Variants in CNTNAP3B observed in about 807,000 individuals in gnomAD.
The protein encoded by CNTNAP3B is contactin associated protein family member 3B.
In CNTNAP3B, 25 loss-of-function variants were observed where a neutral mutation model predicts 108.9. That is an observed-to-expected ratio of 0.23 (90% CI 0.17 to 0.32). CNTNAP3B has a LOEUF of 0.32. Among genes scored for constraint, CNTNAP3B ranks in the 10% least tolerant of loss-of-function variants. CNTNAP3B has a pLI of 1.00. For synonymous variants in CNTNAP3B, 103 were observed against 473.4 expected, an observed-to-expected ratio of 0.22 and a Z score of 10.16; for missense variants, 252 against 1,210.4, an observed-to-expected ratio of 0.21 and a Z score of 11.75.
At chr9:41,933,561 A>T (rs1199908449) in intron 14 of CNTNAP3B, among the ~76,000 whole-genome samples, 8 of 152,290 alleles carry the variant, frequency 5.3e-5, no homozygotes, top group African/African-American at 7.2e-5. Flanking sequence ...TAGGTGTGTA[A>T]TGGTAATTAT....
intron 14 of CNTNAP3B, among the ~76,000 whole-genome samples, chr9:41,932,496 T>C (rs1824006930): frequency 1.3e-5 from 2 of 149,352 alleles, no homozygotes; most frequent in South Asian, 4.2e-4. Flanking sequence ...AAATGTTGAG[T>C]CAACTTTTTA....
At chr9:41,958,087 G>A (rs1824927172) in intron 12 of CNTNAP3B, among the ~76,000 whole-genome samples, 2 of 152,268 alleles carry the variant, frequency 1.3e-5, no homozygotes, top group Admixed American at 1.3e-4. Flanking sequence ...TCTTCAAAGT[G>A]TGTTTTTTGC....
In CNTNAP3B at chr9:41,954,346, G is replaced by A. The variant is rs113451241; in HGVS notation, c.1877-960C>T. Among the ~76,000 whole-genome samples, 1,345 of 149,974 alleles carry A rather than the reference G, an allele frequency of 9.0e-3. 14 individuals carry two copies. Among genetic ancestry groups the A allele is most frequent in the African/African-American group, 0.033 (1,284 of 39,342 alleles). Reference sequence around the variant, plus strand: ...TTTTTAATGGCTTGGCTGCTAAATGGCTAAATGGCTTGTGCGTAAGACAAA... The same window carrying A: ...TTTTTAATGGCTTGGCTGCTAAATGACTAAATGGCTTGTGCGTAAGACAAA... On this transcript the variant is annotated intron_variant, in intron 12 of 23. Coordinates refer to ENST00000377561, the MANE Select transcript of CNTNAP3B (RefSeq NM_001201380.3).
At chr9:42,113,111 C>A (rs1298593256) in intron 1 of CNTNAP3B, among the ~76,000 whole-genome samples, 1 of 135,734 alleles carries the variant, frequency 7.4e-6, no homozygotes, top group Admixed American at 7.4e-5. Context: ...GTCATTACAA[C>A]AATAAATATA....
At chr9:41,952,121 C>T (rs1173503563) in intron 13 of CNTNAP3B, among the ~76,000 whole-genome samples, 4 of 152,344 alleles carry the variant, frequency 2.6e-5, no homozygotes, top group East Asian at 3.9e-4. Context: ...ATTGGCCAGA[C>T]GGACTAGGGA....
At chr9:41,961,836 T>C (rs1031091446) in intron 11 of CNTNAP3B, among the ~76,000 whole-genome samples, 1 of 152,306 alleles carries the variant, frequency 6.6e-6, no homozygotes, top group African/African-American at 2.4e-5. Context: ...TTTGTGCAAG[T>C]AAATGTTTTA....
At position 42,116,640 on chromosome 9, in the gene CNTNAP3B, A is replaced by G. The variant is rs1828324113; in HGVS notation, c.86-11901T>C. The stretch of plus-strand genomic sequence containing the variant: ...CTAATGAGCAAAATAACCAGTTAAC[A>G]TCATAATGACAGGATCAAATTCACA... On this transcript the variant is annotated intron_variant, in intron 1 of 23. Coordinates refer to ENST00000377561, the MANE Select transcript of CNTNAP3B (RefSeq NM_001201380.3). 3.6e-5 allele frequency among the ~76,000 whole-genome samples: 5 copies of G among 139,964 alleles called. 1 individual carries two copies. In the South Asian group the frequency reaches 1.1e-3, roughly 32 times the overall value. 91.8% of individuals were successfully genotyped at this position (139,964 alleles called of 152,430 possible).
chr9:42,035,982 C>T (rs1339079629), intron 3 of CNTNAP3B, among the ~76,000 whole-genome samples: 5 of 143,646 alleles, frequency 3.5e-5, no homozygotes, highest in East Asian at 4.2e-4. Context: ...GTGGCGCATG[C>T]CTGTAGTCCC....
intron 3 of CNTNAP3B, among the ~76,000 whole-genome samples, chr9:42,044,310 G>A (rs1308038915): frequency 6.6e-6 from 1 of 151,446 alleles, no homozygotes; most frequent in East Asian, 1.9e-4. Flanking sequence ...ATAGGGTTCA[G>A]CACTGTTTGC....
intron 15 of CNTNAP3B, among the ~76,000 whole-genome samples, chr9:41,924,353 G>A (rs1486969915): frequency 1.1e-4 from 16 of 152,292 alleles, no homozygotes; most frequent in African/African-American, 3.1e-4. Flanking sequence ...AGGGGATCGC[G>A]CAGCAACACA....
At chr9:42,032,438 G>C (rs1360143287) in intron 3 of CNTNAP3B, among the ~76,000 whole-genome samples, 3 of 127,254 alleles carry the variant, frequency 2.4e-5, no homozygotes, top group Non-Finnish European at 4.9e-5. Flanking sequence ...AAATATTACT[G>C]TTTAGAAACA....
At chr9:41,958,576 G>A (rs909762339) in intron 12 of CNTNAP3B, among the ~76,000 whole-genome samples, 1 of 151,814 alleles carries the variant, frequency 6.6e-6, no homozygotes, top group African/African-American at 2.4e-5. Flanking sequence ...CCTTTAGGGA[G>A]CCTGTGCCTC....
chr9:42,070,762 C>G (rs1169855233), intron 3 of CNTNAP3B, among the ~76,000 whole-genome samples: 1 of 152,164 alleles, frequency 6.6e-6, no homozygotes, highest in African/African-American at 2.4e-5. Flanking sequence ...CCTTCTGCCC[C>G]CTCCGTTAGT....
intron 2 of CNTNAP3B, among the ~76,000 whole-genome samples, chr9:42,077,596 G>A (rs1489693820): frequency 7.6e-6 from 1 of 132,044 alleles, no homozygotes; most frequent in African/African-American, 3.1e-5. Context: ...GTACAGAGGA[G>A]AGTGATGGTT....
rs968233322 is a variant in CNTNAP3B, at chr9:42,127,538, C to A, written c.85+1472G>T. Among the ~76,000 whole-genome samples, 67 of 139,570 alleles carry A rather than the reference C, an allele frequency of 4.8e-4. 14 individuals carry two copies. Among genetic ancestry groups the A allele is most frequent in the African/African-American group, 1.8e-3 (65 of 35,304 alleles). The allele number at this position is 139,570 out of a possible 152,430, so 91.6% of individuals were successfully genotyped here. A position where few individuals can be genotyped will look rare whatever the true frequency, so the allele number is the denominator to read the frequency against. On this transcript the variant is annotated intron_variant, in intron 1 of 23. Coordinates refer to ENST00000377561, the MANE Select transcript of CNTNAP3B (RefSeq NM_001201380.3). ...TGTTGTATTTTGCCAGTTGATTGGT[C>A]AATTACTCTAGCATGCCTTTCTATA...
chr9:42,051,809 T>C (rs1334845732), intron 3 of CNTNAP3B, among the ~76,000 whole-genome samples: 1 of 152,062 alleles, frequency 6.6e-6, no homozygotes, highest in Admixed American at 6.6e-5. Flanking sequence ...TTTCAGTAAT[T>C]TTTGCAAACT....
At chr9:41,990,776 T>C (rs1825791522) in intron 8 of CNTNAP3B, among the ~76,000 whole-genome samples, 1 of 135,540 alleles carries the variant, frequency 7.4e-6, no homozygotes, top group African/African-American at 2.9e-5. Flanking sequence ...ATCCAGCAGC[T>C]CTGTAGTTAA....
In CNTNAP3B at chr9:42,095,756, G is replaced by A. The variant is rs1168371506; in HGVS notation, c.196+8873C>T. On this transcript the variant is annotated intron_variant, in intron 2 of 23. Coordinates refer to ENST00000377561, the MANE Select transcript of CNTNAP3B (RefSeq NM_001201380.3). ...CTGTCAGTTCGTGTCTGTATTGGTC[G>A]CAGACCCTTGAAAATTCCTTCAGGG... Among the ~76,000 whole-genome samples the A allele has an allele frequency of 2.8e-4, 39 of 137,426 alleles. 6 individuals are homozygous for A. The highest frequency in any genetic ancestry group is 6.5e-4 in the Admixed American group (9 of 13,808). 90.2% of individuals were successfully genotyped at this position (137,426 alleles called of 152,430 possible). A position where few individuals can be genotyped will look rare whatever the true frequency, so the allele number is the denominator to read the frequency against.
intron 4 of CNTNAP3B, among the ~76,000 whole-genome samples, chr9:42,001,621 T>C (rs1219647600): frequency 2.3e-5 from 3 of 128,812 alleles, no homozygotes; most frequent in Non-Finnish European, 4.9e-5. Flanking sequence ...TCACTTATTA[T>C]GTTTACGATA....
Sources: gnomAD v4.1 joint callset for allele counts (sites outside exome capture counted in the v4.1 genomes callset) on GRCh38, gnomAD v4.1.1 for gene constraint, MANE v1.5 for transcripts, NCBI Gene and HGNC (gene_info 2026-07-23, HGNC 2026-07-21) for gene names.